The following GIGYF2 variants were observed in gnomAD, a reference collection of about 807,000 sequenced individuals.
GIGYF2 encodes GRB10 interacting GYF protein 2, also known as GRB10-interacting GYF protein 2.
GIGYF2 carries 25 observed loss-of-function variants against 208.1 expected under a neutral mutation model. That is an observed-to-expected ratio of 0.12 (90% CI 0.09 to 0.17). The LOEUF is 0.17. Ranked by LOEUF, GIGYF2 falls within the 10% of genes least tolerant of loss-of-function variation. The probability of loss-of-function intolerance (pLI) is 1.00; values close to 1 mark genes in which losing one functional copy is unlikely to be tolerated. For synonymous variants in GIGYF2, 534 were observed against 543.8 expected (o/e 0.98, Z 0.25); for missense variants, 1,302 against 1,579.4 (o/e 0.82, Z 2.98).
At chr2:232,794,239 G>C (rs79989315) in intron 12 of GIGYF2, among the ~76,000 whole-genome samples, 2,293 of 152,256 alleles carry the variant, frequency 0.015, 60 homozygotes, top group African/African-American at 0.052. Context: ...AGAACATCCT[G>C]CACTGTACAG....
At chr2:232,807,735 AC>A (rs1191859321) in intron 15 of GIGYF2, among the ~76,000 whole-genome samples, 6 of 150,878 alleles carry the variant, frequency 4.0e-5, no homozygotes, top group Admixed American at 3.3e-4. Context: ...GTTACCATAA[AC>A]CTTTTTTTTT....
chr2:232,843,067 C>T (rs1701867599), intron 23 of GIGYF2: 1 of 151,428 alleles, frequency 6.6e-6, no homozygotes, highest in Non-Finnish European at 1.5e-5. Flanking sequence ...CATTGGTTCT[C>T]ATTATTTATC....
chr2:232,711,703 A>ATGTGTG (rs142853054), intron 2 of GIGYF2, among the ~76,000 whole-genome samples: 2 of 126,488 alleles, frequency 1.6e-5, no homozygotes, highest in African/African-American at 6.0e-5. Flanking sequence ...CCTCACAATG[A>ATGTGTG]TGTATATATA....
intron 28 of GIGYF2, among the ~76,000 whole-genome samples, chr2:232,854,012 A>G (rs1457772638): frequency 2.0e-5 from 3 of 152,186 alleles, no homozygotes; most frequent in East Asian, 1.9e-4. Flanking sequence ...AGTAAAATTA[A>G]TTTAGCTTTT....
At chr2:232,848,272 C>T (rs1053092575) in intron 27 of GIGYF2, among the ~76,000 whole-genome samples, 16 of 152,196 alleles carry the variant, frequency 1.1e-4, no homozygotes, top group Non-Finnish European at 2.4e-4. Context: ...CACGTATTTT[C>T]TTCCTAAGGC....
chr2:232,709,646 T>A (rs1251584428), intron 2 of GIGYF2, among the ~76,000 whole-genome samples: 1 of 151,876 alleles, frequency 6.6e-6, no homozygotes, highest in Admixed American at 6.6e-5. Flanking sequence ...CCGTCTCTAC[T>A]AAAAATATAA....
In GIGYF2 at chr2:232,790,988, G is replaced by A; in HGVS notation, c.931-20G>A. On this transcript the variant is annotated intron_variant, in intron 10 of 28. Coordinates refer to ENST00000373563, the MANE Select transcript of GIGYF2 (RefSeq NM_001103146.3). ...AAGCCAAATCTGCTGTTGATCTTTG[G>A]TTTTATTCTCTTTCTACAGAAAGTA... is the stretch of plus-strand genomic sequence containing the variant. 1 of 1,613,926 alleles carries A rather than the reference G, an allele frequency of 6.2e-7. No homozygotes were observed. The highest frequency in any genetic ancestry group is 8.5e-7 in the Non-Finnish European group (1 of 1,179,858).
chr2:232,735,233 T>C lies in GIGYF2; in HGVS notation c.36T>C (p.Pro12=), dbSNP rs1255744306. 1 of 1,604,696 alleles carries C rather than the reference T, an allele frequency of 6.2e-7. No individual in the cohort carries two copies. Among genetic ancestry groups the C allele is most frequent in the Non-Finnish European group, 8.5e-7 (1 of 1,171,402 alleles). ...AAACGCAGACACTGAACTTTGGGCC[T>C]GAATGGTGAGTTTTCAAAATCTCAT... ...AAETQTLNFG[P]EWLRALSSGG... Residue 12 remains proline, a synonymous_variant, in exon 3 of 29, where the codon CCT becomes CCC. Transcript: ENST00000373563.
intron 21 of GIGYF2, among the ~76,000 whole-genome samples, chr2:232,829,458 T>A (rs1157697655): frequency 3.3e-5 from 5 of 152,216 alleles, no homozygotes; most frequent in African/African-American, 1.2e-4. Context: ...TCTGATTTGT[T>A]CCTTTAGAGA....
intron 26 of GIGYF2, among the ~76,000 whole-genome samples, chr2:232,846,131 A>G (rs1465253978): frequency 6.6e-6 from 1 of 152,216 alleles, no homozygotes; most frequent in Non-Finnish European, 1.5e-5. Context: ...CCTTAATGAT[A>G]CACAGGACAG....
rs979850448 is a variant in GIGYF2 at position 232,859,522 on chromosome 2, G to A, written c.*2662G>A. ...TATGGAGACTGTCCCCAAGCAGATT[G>A]GTGTGCTGGTGGCTGCTGTGCATAA... On this transcript the variant is annotated 3_prime_UTR_variant, in exon 29 of 29. Transcript: ENST00000373563. 1 of 152,124 alleles carries A rather than the reference G, an allele frequency of 6.6e-6. No homozygotes were observed. Among genetic ancestry groups the A allele is most frequent in the Non-Finnish European group, 1.5e-5 (1 of 68,058 alleles). 9.4% of individuals were successfully genotyped at this position (152,124 alleles called of 1,614,324 possible). A position where few individuals can be genotyped will look rare whatever the true frequency, so the allele number is the denominator to read the frequency against.
intron 2 of GIGYF2, among the ~76,000 whole-genome samples, chr2:232,707,872 A>G (rs1352099190): frequency 3.9e-5 from 6 of 152,116 alleles, no homozygotes; most frequent in Non-Finnish European, 8.8e-5. Flanking sequence ...TCTTGACCTC[A>G]GGTGATCCAC....
In GIGYF2 at chr2:232,784,379, A is replaced by G. The variant is rs563276242; in HGVS notation, c.533-2771A>G. ...CTGAGGTTCTAGCTACTTACACGAA[A>G]TAATTTCTTTTTTTTTTTTTTTTTT... On this transcript the variant is annotated intron_variant, in intron 8 of 28. Coordinates refer to ENST00000373563, the MANE Select transcript of GIGYF2 (RefSeq NM_001103146.3). 4.1e-5 allele frequency among the ~76,000 whole-genome samples: 5 copies of G among 122,272 alleles called. No individual in the cohort carries two copies. In the East Asian group the frequency reaches 7.8e-4, roughly 19 times the overall value. The allele number at this position is 122,272 out of a possible 152,430, so 80.2% of individuals were successfully genotyped here. A position where few individuals can be genotyped will look rare whatever the true frequency, so the allele number is the denominator to read the frequency against.
chr2:232,721,090 A>G (rs1477637307), intron 2 of GIGYF2, among the ~76,000 whole-genome samples: 2 of 152,114 alleles, frequency 1.3e-5, no homozygotes, highest in Non-Finnish European at 2.9e-5. Context: ...AACTAACAAT[A>G]TTTTGCCCAC....
chr2:232,810,466 T>C (rs747070167), intron 16 of GIGYF2: 1 of 153,344 alleles, frequency 6.5e-6, no homozygotes, highest in Non-Finnish European at 1.5e-5. Context: ...TTAGGAGTGG[T>C]GTGGAATGAT....
chr2:232,775,226 G>T (rs1050234753), intron 8 of GIGYF2, among the ~76,000 whole-genome samples: 3 of 152,082 alleles, frequency 2.0e-5, no homozygotes, highest in Non-Finnish European at 4.4e-5. Flanking sequence ...TGTAGAGAAC[G>T]CAGGATAAGG....
At position 232,788,591 on chromosome 2, in the gene GIGYF2, G is replaced by A. The variant is rs184935850; in HGVS notation, c.712+1262G>A. ...TTCCAGCTGGTCAAAAACAAACAAG[G>A]TGAATGTTTTGGAAGATGAACTGTG... is the stretch of plus-strand genomic sequence containing the variant. On this transcript the variant is annotated intron_variant, in intron 9 of 28. Transcript: ENST00000373563. The A allele has an allele frequency of 2.1e-5, 10 of 470,606 alleles. No individual in the cohort carries two copies. The East Asian group carries it at 6.3e-4, about 29-fold the overall frequency. 29.2% of individuals were successfully genotyped at this position (470,606 alleles called of 1,614,324 possible). A position where few individuals can be genotyped will look rare whatever the true frequency, so the allele number is the denominator to read the frequency against.
At chr2:232,753,639 A>C (rs1459511756) in intron 5 of GIGYF2, among the ~76,000 whole-genome samples, 2 of 152,186 alleles carry the variant, frequency 1.3e-5, no homozygotes, top group African/African-American at 4.8e-5. Flanking sequence ...CTAAGCACTT[A>C]ACATTTAATG....
At chr2:232,740,767 C>G (rs1378466220) in intron 3 of GIGYF2, among the ~76,000 whole-genome samples, 1 of 152,088 alleles carries the variant, frequency 6.6e-6, no homozygotes, top group Non-Finnish European at 1.5e-5. Flanking sequence ...TGATAGCTTC[C>G]TATCGATAAT....
Sources: allele counts gnomAD v4.1 joint callset (sites outside exome capture counted in the v4.1 genomes callset), GRCh38; gene constraint gnomAD v4.1.1; transcripts MANE v1.5; gene names NCBI Gene and HGNC (gene_info 2026-07-23, HGNC 2026-07-21).